Variants in KIRREL1 observed in about 807,000 individuals in gnomAD.
KIRREL1 encodes kin of IRRE-like protein 1.
KIRREL1 carries 25 observed loss-of-function variants against 83.3 expected under a neutral mutation model. That is an observed-to-expected ratio of 0.30 (90% confidence interval 0.22 to 0.42). The LOEUF (loss-of-function observed/expected upper bound fraction) is 0.42, where lower values mean the gene tolerates loss of function less well. KIRREL1 is among the 10% of genes least tolerant of loss of function. The pLI, the probability that KIRREL1 is intolerant of heterozygous loss-of-function variation, is 1.00. For synonymous variants in KIRREL1, 388 were observed against 410.4 expected, an observed-to-expected ratio of 0.95 and a Z score of 0.66; for missense variants, 812 against 1,032.3, an observed-to-expected ratio of 0.79 and a Z score of 2.92.
At chr1:158,042,646 TCAC>T (rs1191302548) in intron 1 of KIRREL1, among the ~76,000 whole-genome samples, 1 of 152,084 alleles carries the variant, frequency 6.6e-6, no homozygotes, top group Non-Finnish European at 1.5e-5. Flanking sequence ...ATTAAAACCT[TCAC>T]AACAACCTGA....
At chr1:158,067,221 C>A (rs1031547343) in intron 1 of KIRREL1, among the ~76,000 whole-genome samples, 3 of 152,206 alleles carry the variant, frequency 2.0e-5, no homozygotes, top group Non-Finnish European at 4.4e-5. Flanking sequence ...GATCTCTATC[C>A]TCCTTGCACC....
chr1:158,039,543 G>A (rs1362151732), intron 1 of KIRREL1, among the ~76,000 whole-genome samples: 2 of 152,168 alleles, frequency 1.3e-5, no homozygotes, highest in African/African-American at 4.8e-5. Flanking sequence ...GAGCCGGGAT[G>A]CGCCTGCACT....
At chr1:158,061,297 C>A (rs964039719) in intron 1 of KIRREL1, among the ~76,000 whole-genome samples, 1 of 152,132 alleles carries the variant, frequency 6.6e-6, no homozygotes. Context: ...TCAAAACGAG[C>A]CTTTCTGCAT....
intron 1 of KIRREL1, among the ~76,000 whole-genome samples, chr1:158,013,608 T>C (rs1284839759): frequency 1.3e-5 from 2 of 152,190 alleles, no homozygotes; most frequent in African/African-American, 4.8e-5. Context: ...CCTTGAATGT[T>C]ACAAATGAAA....
chr1:157,994,638 G>C (rs927517978), intron 1 of KIRREL1, among the ~76,000 whole-genome samples: 1 of 151,952 alleles, frequency 6.6e-6, no homozygotes, highest in Non-Finnish European at 1.5e-5. Context: ...GTGGGAGTTG[G>C]TTCTTGCCTC....
chr1:158,072,779 C>T (rs901675850), intron 1 of KIRREL1, among the ~76,000 whole-genome samples: 4 of 152,020 alleles, frequency 2.6e-5, no homozygotes, highest in South Asian at 2.1e-4. Flanking sequence ...ACAGTTCTGA[C>T]ATGTGGTGGC....
intron 1 of KIRREL1, among the ~76,000 whole-genome samples, chr1:158,027,255 A>G (rs1660199909): frequency 6.6e-6 from 1 of 152,224 alleles, no homozygotes; most frequent in African/African-American, 2.4e-5. Context: ...GAAAGGATAT[A>G]GATAAAGAGA....
intron 1 of KIRREL1, among the ~76,000 whole-genome samples, chr1:158,002,250 T>C (rs1350435981): frequency 6.6e-6 from 1 of 152,164 alleles, no homozygotes; most frequent in East Asian, 1.9e-4. Context: ...GCAGCCTGAC[T>C]CTGAGGCCAG....
At chr1:158,028,459 T>C (rs1264463735) in intron 1 of KIRREL1, among the ~76,000 whole-genome samples, 3 of 152,188 alleles carry the variant, frequency 2.0e-5, no homozygotes, top group African/African-American at 7.2e-5. Flanking sequence ...TTCCCAAAGC[T>C]GGATGCAAAT....
intron 1 of KIRREL1, among the ~76,000 whole-genome samples, chr1:158,026,113 C>T (rs964248315): frequency 1.3e-5 from 2 of 152,150 alleles, no homozygotes; most frequent in Admixed American, 6.5e-5. Context: ...CATAAGAAGG[C>T]CAAAGGCTGA....
At chr1:158,078,983 T>C (rs1215954055) in intron 3 of KIRREL1, among the ~76,000 whole-genome samples, 3 of 150,258 alleles carry the variant, frequency 2.0e-5, no homozygotes, top group Non-Finnish European at 4.4e-5. Flanking sequence ...GCCCCCAGCC[T>C]CTCTCCAAGC....
At chr1:158,007,593 G>T (rs1659555825) in intron 1 of KIRREL1, among the ~76,000 whole-genome samples, 1 of 152,108 alleles carries the variant, frequency 6.6e-6, no homozygotes, top group African/African-American at 2.4e-5. Context: ...GGGGTGGAAT[G>T]TAAGCCCTCT....
In KIRREL1 at chr1:158,054,145, G is replaced by A. The variant is rs1196733617; in HGVS notation, c.53-21968G>A. On this transcript the variant is annotated intron_variant, in intron 1 of 14. Transcript: ENST00000359209. ...GGAGAATTGCTTGAAGCTGGGAGGCGGGGTTTGCAGTGAGCTGAGATCGTG... is the reference window on the plus strand; with the variant it reads ...GGAGAATTGCTTGAAGCTGGGAGGCAGGGTTTGCAGTGAGCTGAGATCGTG... Among the ~76,000 whole-genome samples the A allele has an allele frequency of 3.4e-5, 5 of 148,384 alleles. 1 individual carries two copies. Among genetic ancestry groups the A allele is most frequent in the African/African-American group, 5.0e-5 (2 of 40,128 alleles).
At chr1:158,078,613 C>T (rs1218930193) in intron 3 of KIRREL1, among the ~76,000 whole-genome samples, 1 of 152,188 alleles carries the variant, frequency 6.6e-6, no homozygotes, top group African/African-American at 2.4e-5. Flanking sequence ...AACCCTTCTT[C>T]CCTCAGCTGC....
chr1:158,078,117 G>A lies in KIRREL1; in HGVS notation c.329G>A (p.Arg110Gln), dbSNP rs764691509. 2.2e-5 allele frequency: 35 copies of A among 1,614,018 alleles called. No individual in the cohort carries two copies. The highest frequency in any genetic ancestry group is 1.1e-4 in the South Asian group (10 of 91,072). ...GCCACGGAGGCCGCCCTGCGCTCTC[G>A]GCGGGCCAAACTCACCGTGCTCAGT... Reference protein sequence around the residue: ...CQATEAALRSRRAKLTVLIPP... With the variant: ...CQATEAALRSQRAKLTVLIPP... Residue 110 changes from arginine to glutamine, a missense_variant, in exon 3 of 15, where the codon CGG (arginine) becomes CAG (glutamine). Physicochemically the swap from Arg to Gln is conservative, Grantham distance 43. This residue lies in a region of KIRREL1 where 472 missense variants were observed against 626.8 expected (regional missense o/e 0.75). Coordinates refer to ENST00000359209, the MANE Select transcript of KIRREL1 (RefSeq NM_018240.7).
chr1:158,045,482 C>G (rs947907100), intron 1 of KIRREL1, among the ~76,000 whole-genome samples: 1 of 152,180 alleles, frequency 6.6e-6, no homozygotes. Context: ...AAGTGCTATA[C>G]TATTACAGTT....
intron 1 of KIRREL1, among the ~76,000 whole-genome samples, chr1:158,043,259 CT>C (rs985910970): frequency 6.6e-6 from 1 of 152,106 alleles, no homozygotes; most frequent in African/African-American, 2.4e-5. Context: ...TGGAAAGCTC[CT>C]GAAAACTGAA....
At chr1:158,007,680 T>C (rs985807441) in intron 1 of KIRREL1, among the ~76,000 whole-genome samples, 4 of 151,892 alleles carry the variant, frequency 2.6e-5, no homozygotes, top group African/African-American at 4.8e-5. Flanking sequence ...GGGCTTCAGC[T>C]TGGAGCCTGC....
At position 158,051,522 on chromosome 1, in the gene KIRREL1, A is replaced by G. The variant is rs569576956; in HGVS notation, c.53-24591A>G. Reference sequence around the variant, plus strand: ...CAGTAACCAGCATGTAGCCGCATCAACATCAACACTAGAGTAACTCACTAT... The same window carrying G: ...CAGTAACCAGCATGTAGCCGCATCAGCATCAACACTAGAGTAACTCACTAT... On this transcript the variant is annotated intron_variant, in intron 1 of 14. Transcript: ENST00000359209. Among the ~76,000 whole-genome samples, 194 of 152,230 alleles carry G rather than the reference A, an allele frequency of 1.3e-3. 1 individual carries two copies. Among genetic ancestry groups the G allele is most frequent in the Non-Finnish European group, 1.8e-3 (120 of 68,038 alleles).
Sources: gnomAD v4.1 joint callset for allele counts (sites outside exome capture counted in the v4.1 genomes callset) on GRCh38, gnomAD v4.1.1 for gene constraint, gnomAD v4.1.1 regional missense constraint, MANE v1.5 for transcripts, NCBI Gene and HGNC (gene_info 2026-07-23, HGNC 2026-07-21) for gene names.